Variants in PC observed in about 807,000 individuals in gnomAD.
The protein encoded by PC is pyruvate carboxylase, mitochondrial.
Under a neutral mutation model 107.8 loss-of-function variants are expected in PC, and 46 were observed. That is an observed-to-expected ratio of 0.43 (90% confidence interval 0.34 to 0.55). The LOEUF (loss-of-function observed/expected upper bound fraction) is 0.55, where lower values mean the gene tolerates loss of function less well. PC is among the 20% of genes least tolerant of loss of function. The pLI is 0.04. For synonymous variants in PC, 662 were observed against 684.7 expected, an observed-to-expected ratio of 0.97 and a Z score of 0.52; for missense variants, 1,241 against 1,643.1, an observed-to-expected ratio of 0.76 and a Z score of 4.23.
At chr11:66,901,633 G>A (rs1947960124) in intron 3 of PC, among the ~76,000 whole-genome samples, 1 of 152,066 alleles carries the variant, frequency 6.6e-6, no homozygotes, top group Non-Finnish European at 1.5e-5. Context: ...ACCATGCCTG[G>A]CTAATTTTTT....
intron 9 of PC, 105 bp from the exon 10 acceptor site, chr11:66,869,069 A>G (rs767230230): frequency 7.7e-5 from 66 of 858,600 alleles, no homozygotes; most frequent in Admixed American, 4.3e-4. Context: ...TGGTTCCGTA[A>G]AAGAATGGCC....
chr11:66,891,043 A>G (rs2136011169), intron 3 of PC, among the ~76,000 whole-genome samples: 1 of 152,160 alleles, frequency 6.6e-6, no homozygotes, highest in Non-Finnish European at 1.5e-5. Context: ...GTCAGACAAT[A>G]GGCATGGGGT....
intron 3 of PC, among the ~76,000 whole-genome samples, chr11:66,884,364 A>T (rs1947288397): frequency 6.6e-6 from 1 of 152,164 alleles, no homozygotes; most frequent in Admixed American, 6.5e-5. Context: ...GTGAGCCATG[A>T]TGGTCCCAGT....
intron 12 of PC, among the ~76,000 whole-genome samples, chr11:66,863,343 TA>T (rs1157310931): frequency 3.9e-5 from 6 of 151,984 alleles, no homozygotes; most frequent in Admixed American, 3.9e-4. Flanking sequence ...ACTTCAAAAA[TA>T]AAAAAGAATT....
intron 3 of PC, among the ~76,000 whole-genome samples, chr11:66,874,766 C>A (rs1005452399): frequency 2.0e-5 from 3 of 152,124 alleles, no homozygotes; most frequent in African/African-American, 7.2e-5. Context: ...AAAAACAAGA[C>A]ACAAATCAGA....
At chr11:66,887,889 C>T (rs893341262) in intron 3 of PC, among the ~76,000 whole-genome samples, 18 of 152,250 alleles carry the variant, frequency 1.2e-4, no homozygotes, top group African/African-American at 4.1e-4. Context: ...GGCAGGGCTG[C>T]GCCCCTCCGA....
intron 16 of PC, among the ~76,000 whole-genome samples, 185 bp from the exon 17 acceptor site, chr11:66,851,465 C>A (rs1945488183): frequency 6.6e-6 from 1 of 152,140 alleles, no homozygotes; most frequent in Admixed American, 6.5e-5. Flanking sequence ...CCTGGAGGAT[C>A]AGCTAGGCCA....
intron 3 of PC, among the ~76,000 whole-genome samples, chr11:66,948,515 G>C (rs909742012): frequency 6.6e-6 from 1 of 152,162 alleles, no homozygotes; most frequent in African/African-American, 2.4e-5. Context: ...CTTTAAATAT[G>C]TGCAACTTAT....
At chr11:66,867,734 C>T (rs780848258) in intron 10 of PC, among the ~76,000 whole-genome samples, 1 of 152,268 alleles carries the variant, frequency 6.6e-6, no homozygotes, top group Non-Finnish European at 1.5e-5. Context: ...CCATCCCTAA[C>T]AGGACGCTCT....
chr11:66,905,298 GGCCCTTA>G (rs1948123363), intron 3 of PC, among the ~76,000 whole-genome samples: 1 of 152,222 alleles, frequency 6.6e-6, no homozygotes, highest in Non-Finnish European at 1.5e-5. Context: ...CGCTTGGCCT[GGCCCTTA>G]GCAAGGGTGC....
rs761154786 is a variant in PC, at chr11:66,852,805, C to A, written c.1545G>T (p.Pro515=). The A allele has an allele frequency of 1.3e-6, 2 of 1,583,476 alleles. No individual in the cohort carries two copies. The highest frequency in any genetic ancestry group is 1.7e-6 in the Non-Finnish European group (2 of 1,161,226). Residue 515 remains proline, a synonymous_variant, in exon 14 of 23, where the codon CCG becomes CCT. Transcript: ENST00000393960. The surrounding 1 kb of genome is among the most constrained non-coding windows in gnomAD (Gnocchi z 4.7). ...GGCTGGGGCTGGCCTTGACGGGAAT[C>A]GGGGTGGTTGGACCGTTTACCATGA... ...GHVMVNGPTT[P]IPVKASPSPT...
chr11:66,920,219 A>G (rs1210962084), intron 3 of PC, among the ~76,000 whole-genome samples: 1 of 152,108 alleles, frequency 6.6e-6, no homozygotes, highest in African/African-American at 2.4e-5. Context: ...AACACGATGA[A>G]TCCAGCTGGC....
At chr11:66,886,034 G>C (rs916866187) in intron 3 of PC, among the ~76,000 whole-genome samples, 2 of 152,344 alleles carry the variant, frequency 1.3e-5, no homozygotes, top group South Asian at 4.1e-4. Context: ...ATTTGGGACT[G>C]TGATCAGCTG....
At chr11:66,851,008 G>C (rs1370972247) in intron 17 of PC, 32 bp downstream of exon 17, 1 of 1,611,020 alleles carries the variant, frequency 6.2e-7, no homozygotes, top group Non-Finnish European at 8.5e-7. Context: ...GGCCGGGGCA[G>C]AGAGGGAGGG....
At chr11:66,889,165 T>G (rs74653288) in intron 3 of PC, among the ~76,000 whole-genome samples, 1 of 152,008 alleles carries the variant, frequency 6.6e-6, no homozygotes, top group African/African-American at 2.4e-5. Context: ...GGAAAGTGGG[T>G]ACATGTGTGG....
chr11:66,859,017 C>T, intron 12 of PC: 1 of 1,512,898 alleles, frequency 6.6e-7, no homozygotes, highest in Non-Finnish European at 8.8e-7. Flanking sequence ...GAGCTGGGGT[C>T]CCGGGCGGCC....
intron 3 of PC, among the ~76,000 whole-genome samples, chr11:66,878,081 TAC>T (rs1242954132): frequency 6.6e-6 from 1 of 152,232 alleles, no homozygotes; most frequent in Non-Finnish European, 1.5e-5. Flanking sequence ...GAGCTCCTGC[TAC>T]ACCGACTCCT....
Position 66,857,835 on chromosome 11 carries a change from A to G in PC, c.1369-4452T>C, listed in dbSNP as rs1945961566. 6.2e-7 allele frequency: 1 copy of G among 1,606,032 alleles called. No individual in the cohort carries two copies. The highest frequency in any genetic ancestry group is 8.5e-7 in the Non-Finnish European group (1 of 1,179,812). On this transcript the variant is annotated intron_variant, in intron 12 of 22. Transcript: ENST00000393960. The surrounding 1 kb of genome is among the most constrained non-coding windows in gnomAD (Gnocchi z 7.1). ...CTGCCAGAACCTGTCCGAGTCGCTCAGCACCCTCTGTGCCCACCGAGGCCT... is the reference window on the plus strand; with the variant it reads ...CTGCCAGAACCTGTCCGAGTCGCTCGGCACCCTCTGTGCCCACCGAGGCCT...
intron 3 of PC, among the ~76,000 whole-genome samples, chr11:66,904,771 T>C (rs571387732): frequency 6.6e-6 from 1 of 152,254 alleles, no homozygotes; most frequent in Admixed American, 6.5e-5. Flanking sequence ...CACAGGCTGC[T>C]GTGATTCTGT....
Sources: allele counts gnomAD v4.1 joint callset (sites outside exome capture counted in the v4.1 genomes callset), GRCh38; gene constraint gnomAD v4.1.1; non-coding constraint Gnocchi (gnomAD v3.1); transcripts MANE v1.5; gene names NCBI Gene and HGNC (gene_info 2026-07-23, HGNC 2026-07-21).